Variants in ROBO2 observed in about 807,000 individuals in gnomAD.
The protein encoded by ROBO2 is roundabout homolog 2.
Under a neutral mutation model 160.8 loss-of-function variants are expected in ROBO2, and 53 were observed. The observed-to-expected ratio is 0.33, with a 90% confidence interval of 0.26 to 0.41. The LOEUF (loss-of-function observed/expected upper bound fraction) is 0.41. Among genes scored for constraint, ROBO2 ranks in the 10% least tolerant of loss-of-function variants. The pLI, the probability that ROBO2 is intolerant of heterozygous loss-of-function variation, is 1.00. For synonymous variants in ROBO2, 664 were observed against 611.7 expected (o/e 1.09, Z -1.26); for missense variants, 1,577 against 1,722.4 (o/e 0.92, Z 1.49).
intron 2 of ROBO2, among the ~76,000 whole-genome samples, chr3:77,442,664 G>C (rs1420252131): frequency 6.6e-6 from 1 of 152,102 alleles, no homozygotes; most frequent in Non-Finnish European, 1.5e-5. Context: ...GTGATGATGT[G>C]CACTTACCCC....
chr3:76,921,312 A>T (rs1421189670), intron 2 of ROBO2, among the ~76,000 whole-genome samples: 1 of 152,202 alleles, frequency 6.6e-6, no homozygotes, highest in East Asian at 1.9e-4. Context: ...AAATTCCATT[A>T]TAAGGTATCT....
intron 2 of ROBO2, among the ~76,000 whole-genome samples, chr3:76,663,777 T>C (rs937428276): frequency 6.6e-6 from 1 of 151,732 alleles, no homozygotes; most frequent in Non-Finnish European, 1.5e-5. Context: ...ACATAAGAGA[T>C]AGTCTAATCC....
At chr3:77,146,658 G>A (rs2077140733) in intron 2 of ROBO2, among the ~76,000 whole-genome samples, 2 of 149,766 alleles carry the variant, frequency 1.3e-5, no homozygotes, top group African/African-American at 5.1e-5. Context: ...ATTCAGGTAT[G>A]CGTACAGGTG....
chr3:77,538,423 C>T (rs1409334767), intron 6 of ROBO2, among the ~76,000 whole-genome samples: 4 of 151,928 alleles, frequency 2.6e-5, no homozygotes, highest in Admixed American at 2.0e-4. Context: ...ATGATCTGCC[C>T]GCCTTGGTCT....
intron 1 of ROBO2, among the ~76,000 whole-genome samples, chr3:75,907,216 A>G (rs1374380548): frequency 1.3e-5 from 2 of 152,156 alleles, no homozygotes; most frequent in Admixed American, 1.3e-4. Context: ...CACGCGTTAT[A>G]TATGTGTTTC....
intron 2 of ROBO2, among the ~76,000 whole-genome samples, chr3:77,227,884 A>C (rs1470118754): frequency 6.6e-6 from 1 of 152,228 alleles, no homozygotes; most frequent in East Asian, 1.9e-4. Flanking sequence ...TTATGACGCT[A>C]TTACCTCACC....
intron 2 of ROBO2, among the ~76,000 whole-genome samples, chr3:75,986,113 C>G (rs539496168): frequency 6.6e-6 from 1 of 151,614 alleles, no homozygotes; most frequent in Non-Finnish European, 1.5e-5. Context: ...AAAGAACTGA[C>G]GTACTGCTTT....
chr3:76,821,890 G>A (rs913635721), intron 2 of ROBO2, among the ~76,000 whole-genome samples: 1 of 152,048 alleles, frequency 6.6e-6, no homozygotes, highest in Middle Eastern at 3.4e-3. Context: ...TATAACACTA[G>A]AGTCAGCCTC....
At chr3:77,404,027 T>C (rs9881706) in intron 2 of ROBO2, among the ~76,000 whole-genome samples, 18,392 of 152,098 alleles carry the variant, frequency 0.12, 1,328 homozygotes, top group East Asian at 0.25. Context: ...GGTACACAAA[T>C]ACCATAGTTA....
intron 2 of ROBO2, among the ~76,000 whole-genome samples, chr3:76,503,813 G>T (rs572003328): frequency 6.6e-6 from 1 of 152,290 alleles, no homozygotes; most frequent in African/African-American, 2.4e-5. Flanking sequence ...TTATAGGGGA[G>T]ATGTTGGTTA....
At chr3:76,795,940 G>T (rs1162069071) in intron 2 of ROBO2, among the ~76,000 whole-genome samples, 1 of 152,056 alleles carries the variant, frequency 6.6e-6, no homozygotes, top group African/African-American at 2.4e-5. Flanking sequence ...TGCATTAGCA[G>T]GCATGAAACA....
At chr3:77,293,320 G>A (rs1164892107) in intron 2 of ROBO2, among the ~76,000 whole-genome samples, 2 of 147,022 alleles carry the variant, frequency 1.4e-5, no homozygotes, top group Non-Finnish European at 3.0e-5. Flanking sequence ...TAAACGGGAA[G>A]TTGAGGCTAG....
intron 1 of ROBO2, among the ~76,000 whole-genome samples, chr3:77,090,346 T>C (rs2070000108): frequency 3.3e-4 from 14 of 42,108 alleles, no homozygotes; most frequent in African/African-American, 1.6e-3. Flanking sequence ...TTTTTTTTTT[T>C]TTTTTTTTTT....
chr3:75,960,606 T>C (rs1948875916), intron 2 of ROBO2, among the ~76,000 whole-genome samples: 2 of 151,856 alleles, frequency 1.3e-5, no homozygotes, highest in Admixed American at 1.3e-4. Context: ...CTTTTACCAA[T>C]GGATCTTGAA....
intron 2 of ROBO2, among the ~76,000 whole-genome samples, chr3:76,977,388 T>A (rs1290606719): frequency 2.6e-5 from 4 of 152,204 alleles, no homozygotes; most frequent in Non-Finnish European, 5.9e-5. Context: ...TTTTGAAATA[T>A]CTTTAAAAGG....
At chr3:76,773,120 A>G (rs1353076124) in intron 2 of ROBO2, among the ~76,000 whole-genome samples, 2 of 151,104 alleles carry the variant, frequency 1.3e-5, no homozygotes, top group Non-Finnish European at 3.0e-5. Context: ...AGAGAAGTGC[A>G]ATCTAATGAA....
intron 2 of ROBO2, among the ~76,000 whole-genome samples, chr3:76,750,563 C>G (rs1400428902): frequency 6.6e-6 from 1 of 151,960 alleles, no homozygotes; most frequent in Admixed American, 6.6e-5. Flanking sequence ...ATCTCAGCCC[C>G]AAATCTCCTT....
chr3:76,791,885 C>G (rs1000709506), intron 2 of ROBO2, among the ~76,000 whole-genome samples: 2 of 151,666 alleles, frequency 1.3e-5, no homozygotes, highest in Non-Finnish European at 2.9e-5. Context: ...AGTATAACAG[C>G]TATTTACATA....
At chr3:77,522,926 A>G (rs2090761341) in intron 6 of ROBO2, 24 bp downstream of exon 6, 1 of 1,607,980 alleles carries the variant, frequency 6.2e-7, no homozygotes, top group Admixed American at 1.7e-5. Flanking sequence ...GATGTCAAAG[A>G]TAATTGAACC....
Sources: gnomAD v4.1 joint callset for allele counts (sites outside exome capture counted in the v4.1 genomes callset) on GRCh38, gnomAD v4.1.1 for gene constraint, MANE v1.5 for transcripts, NCBI Gene and HGNC (gene_info 2026-07-23, HGNC 2026-07-21) for gene names.